KPNA4: variants seen among roughly 807,000 people sequenced by gnomAD.
KPNA4 encodes the protein karyopherin subunit alpha 4.
In KPNA4, 13 loss-of-function variants were observed where a neutral mutation model predicts 71.3. The ratio of observed to expected loss-of-function variants is 0.18; its 90% CI spans 0.12 to 0.29. The LOEUF (loss-of-function observed/expected upper bound fraction) is 0.29, where lower values mean the gene tolerates loss of function less well. Ranked by LOEUF, KPNA4 falls within the 10% of genes least tolerant of loss-of-function variation. The pLI, the probability that KPNA4 is intolerant of heterozygous loss-of-function variation, is 1.00. For missense variants in KPNA4, 334 were observed against 603.2 expected, an observed-to-expected ratio of 0.55 and a Z score of 4.67; for synonymous variants, 189 against 195.2, an observed-to-expected ratio of 0.97 and a Z score of 0.26.
rs1721113461 is a variant in KPNA4 at position 160,512,381 on chromosome 3, T to G, written c.1137+1696A>C. 2.0e-5 allele frequency among the ~76,000 whole-genome samples: 3 copies of G among 152,250 alleles called. No individual in the cohort carries two copies. The South Asian group carries it at 6.2e-4, about 32-fold the overall frequency. On this transcript the variant is annotated intron_variant, in intron 13 of 16. Transcript: ENST00000334256. Reference sequence around the variant, plus strand: ...AGTAACAACTAAAAGGTATTAAAACTTGCAAAATATATTTTAAAAATTCAT... The same window carrying G: ...AGTAACAACTAAAAGGTATTAAAACGTGCAAAATATATTTTAAAAATTCAT...
intron 16 of KPNA4, 39 bp from the exon 17 acceptor site, chr3:160,502,241 T>A (rs1389358035): frequency 8.8e-7 from 1 of 1,135,810 alleles, no homozygotes; most frequent in East Asian, 2.6e-5. Context: ...ATAATTAGTT[T>A]TAAAATATAT....
At chr3:160,562,422 A>G (rs1722260694) in intron 1 of KPNA4, among the ~76,000 whole-genome samples, 1 of 152,202 alleles carries the variant, frequency 6.6e-6, no homozygotes, top group Admixed American at 6.5e-5. Flanking sequence ...TTTTCTCAGA[A>G]TTTGCTGTAT....
intron 2 of KPNA4, 144 bp from the exon 3 acceptor site, chr3:160,536,041 A>G: frequency 1.5e-6 from 1 of 658,222 alleles, no homozygotes. Context: ...ATTCAAATGT[A>G]AAAAATTAAA....
intron 10 of KPNA4, among the ~76,000 whole-genome samples, chr3:160,525,568 A>T (rs1237340866): frequency 1.3e-5 from 2 of 152,200 alleles, no homozygotes; most frequent in Admixed American, 6.5e-5. Context: ...CCAAAATAAC[A>T]GTTATGCTTG....
At chr3:160,544,915 C>A (rs191591471) in intron 1 of KPNA4, among the ~76,000 whole-genome samples, 1 of 151,960 alleles carries the variant, frequency 6.6e-6, no homozygotes, top group East Asian at 1.9e-4. Flanking sequence ...GGTTTTCTTA[C>A]GGAAAAATTT....
Position 160,511,136 on chromosome 3 carries a change from C to T in KPNA4, c.1138-1265G>A, listed in dbSNP as rs568347398. On this transcript the variant is annotated intron_variant, in intron 13 of 16. Coordinates refer to ENST00000334256, the MANE Select transcript of KPNA4 (RefSeq NM_002268.5). ...TTATTTATTTTTTGAGATGGAGTCT[C>T]GCTCTGTCACCCAGGCTGGAGTGCA... 1.4e-3 allele frequency among the ~76,000 whole-genome samples: 218 copies of T among 150,984 alleles called. 2 individuals are homozygous for T. The highest frequency in any genetic ancestry group is 5.0e-3 in the African/African-American group (207 of 41,044).
chr3:160,550,601 T>C (rs984525251), intron 1 of KPNA4, among the ~76,000 whole-genome samples: 1 of 152,212 alleles, frequency 6.6e-6, no homozygotes, highest in Non-Finnish European at 1.5e-5. Flanking sequence ...GGAAAAGCTT[T>C]CAGTTTTTCA....
chr3:160,553,992 T>C (rs1401188592), intron 1 of KPNA4, among the ~76,000 whole-genome samples: 2 of 152,168 alleles, frequency 1.3e-5, no homozygotes, highest in African/African-American at 2.4e-5. Context: ...TTCATAAGAA[T>C]AGGAACTCAG....
intron 1 of KPNA4, 37 bp from the exon 2 acceptor site, chr3:160,536,877 C>T: frequency 8.1e-7 from 1 of 1,231,748 alleles, no homozygotes. Flanking sequence ...TTTAAAATCA[C>T]CTCAAATTCC....
chr3:160,548,102 T>C (rs1484540688), intron 1 of KPNA4, among the ~76,000 whole-genome samples: 4 of 152,210 alleles, frequency 2.6e-5, no homozygotes, highest in African/African-American at 9.6e-5. Context: ...AGTTTTGTAC[T>C]GCCTCTCAAA....
rs1170257052 is a variant in KPNA4, at chr3:160,565,570, C to A, written c.-288G>T. On this transcript the variant is annotated 5_prime_UTR_variant, in exon 1 of 17. Coordinates refer to ENST00000334256, the MANE Select transcript of KPNA4 (RefSeq NM_002268.5). Reference sequence around the variant, plus strand: ...GCTGAGAGGGGGAGGCAGCCTCGATCTGAGGGCCCCGGCGCTGCGGCCACG... The same window carrying A: ...GCTGAGAGGGGGAGGCAGCCTCGATATGAGGGCCCCGGCGCTGCGGCCACG... 5.8e-6 allele frequency: 3 copies of A among 514,914 alleles called. No homozygotes were observed. Among genetic ancestry groups the A allele is most frequent in the African/African-American group, 4.1e-5 (2 of 49,108 alleles). 31.9% of individuals were successfully genotyped at this position (514,914 alleles called of 1,614,324 possible).
At chr3:160,539,437 G>A (rs760327701) in intron 1 of KPNA4, among the ~76,000 whole-genome samples, 6 of 152,054 alleles carry the variant, frequency 3.9e-5, no homozygotes, top group Admixed American at 1.3e-4. Flanking sequence ...GAAAACTGAG[G>A]CTTAGAGAAG....
At chr3:160,532,851 C>G (rs1388591235) in intron 5 of KPNA4, among the ~76,000 whole-genome samples, 1 of 152,214 alleles carries the variant, frequency 6.6e-6, no homozygotes, top group Non-Finnish European at 1.5e-5. Flanking sequence ...AGTTGTCTGT[C>G]ACAGCATTTC....
chr3:160,543,069 TAAAG>T (rs1273530842), intron 1 of KPNA4, among the ~76,000 whole-genome samples: 4 of 140,980 alleles, frequency 2.8e-5, no homozygotes, highest in Admixed American at 1.4e-4. Flanking sequence ...AGTCACAAAA[TAAAG>T]AAGGGAAAAA....
rs1198069822 is a variant in KPNA4 at position 160,495,866 on chromosome 3, G to C, written c.*6238C>G. 1 of 150,798 alleles carries C rather than the reference G, an allele frequency of 6.6e-6. No homozygotes were observed. The highest frequency in any genetic ancestry group is 2.1e-4 in the South Asian group (1 of 4,778). 9.3% of individuals were successfully genotyped at this position (150,798 alleles called of 1,614,324 possible). ...TTATGGTAATACCAAAGTGACTAAG[G>C]TTGTCTTGATTCCCCGCCCCCACCA... On this transcript the variant is annotated 3_prime_UTR_variant, in exon 17 of 17. Transcript: ENST00000334256.
intron 1 of KPNA4, among the ~76,000 whole-genome samples, chr3:160,543,962 A>G (rs137868024): frequency 0.014 from 2,084 of 151,984 alleles, 47 homozygotes; most frequent in African/African-American, 0.043. Flanking sequence ...GGTTCAAGTG[A>G]TTCTCTTGCC....
intron 1 of KPNA4, among the ~76,000 whole-genome samples, chr3:160,561,173 T>C (rs1453863567): frequency 6.6e-6 from 1 of 152,076 alleles, no homozygotes; most frequent in Non-Finnish European, 1.5e-5. Flanking sequence ...TTTCTTAAAG[T>C]TGTGTTTTTA....
chr3:160,551,933 C>G (rs1722047225), intron 1 of KPNA4, among the ~76,000 whole-genome samples: 1 of 83,480 alleles, frequency 1.2e-5, no homozygotes, highest in African/African-American at 5.3e-5. Flanking sequence ...TCTTGGTTGT[C>G]ACAACTGGGG....
At chr3:160,511,897 AG>A (rs1162810533) in intron 13 of KPNA4, among the ~76,000 whole-genome samples, 1 of 151,992 alleles carries the variant, frequency 6.6e-6, no homozygotes, top group Non-Finnish European at 1.5e-5. Context: ...TAATGTTTTT[AG>A]GAAGATTTTC....
Sources: allele counts gnomAD v4.1 joint callset (sites outside exome capture counted in the v4.1 genomes callset), GRCh38; gene constraint gnomAD v4.1.1; transcripts MANE v1.5; gene names NCBI Gene and HGNC (gene_info 2026-07-23, HGNC 2026-07-21).